TMEM178B: variants seen among roughly 807,000 people sequenced by gnomAD.
The protein encoded by TMEM178B is transmembrane protein 178B.
Under a neutral mutation model 31.0 loss-of-function variants are expected in TMEM178B, and 5 were observed. That is an observed-to-expected ratio of 0.16 (90% CI 0.08 to 0.34). The LOEUF is 0.34. Ranked by LOEUF, TMEM178B falls within the 10% of genes least tolerant of loss-of-function variation. The pLI is 1.00. For synonymous variants in TMEM178B, 164 were observed against 164.0 expected, an observed-to-expected ratio of 1.00 and a Z score of 0.00; for missense variants, 275 against 400.3, an observed-to-expected ratio of 0.69 and a Z score of 2.67.
intron 3 of TMEM178B, among the ~76,000 whole-genome samples, chr7:141,452,161 G>T (rs1801876881): frequency 6.6e-6 from 1 of 152,110 alleles, no homozygotes; most frequent in Non-Finnish European, 1.5e-5. Flanking sequence ...GATTATCTCT[G>T]CACAAATGAA....
intron 1 of TMEM178B, among the ~76,000 whole-genome samples, chr7:141,144,671 A>G (rs1025553984): frequency 3.9e-5 from 6 of 152,158 alleles, no homozygotes; most frequent in Non-Finnish European, 8.8e-5. Context: ...GGCAAGGGAC[A>G]CAGGAATAGT....
At chr7:141,218,623 T>TTA (rs1563121483) in intron 2 of TMEM178B, among the ~76,000 whole-genome samples, 1 of 151,910 alleles carries the variant, frequency 6.6e-6, no homozygotes, top group Non-Finnish European at 1.5e-5. Flanking sequence ...GACTCTTAAC[T>TTA]TATGTTTCTT....
intron 1 of TMEM178B, among the ~76,000 whole-genome samples, chr7:141,203,901 G>A (rs182455171): frequency 6.6e-6 from 1 of 152,334 alleles, no homozygotes; most frequent in East Asian, 1.9e-4. Context: ...TGGTCCAGTA[G>A]TGTGTCCTGG....
chr7:141,470,566 G>C lies in TMEM178B; in HGVS notation c.665G>C (p.Cys222Ser). The C allele has an allele frequency of 6.5e-7, 1 of 1,530,528 alleles. No individual in the cohort carries two copies. Among genetic ancestry groups the C allele is most frequent in the South Asian group, 1.2e-5 (1 of 82,986 alleles). 94.8% of individuals were successfully genotyped at this position (1,530,528 alleles called of 1,614,324 possible). ...GTFCIISLCT[C>S]VAGINFELSR... is the part of the protein sequence containing the mutation. ...TTCTGCATCATTTCACTGTGCACCT[G>C]TGTGGCCGGGATCAACTTTGAGCTG... Residue 222 changes from cysteine (C) to serine (S), a missense_variant, in exon 4 of 4, where the codon TGT becomes TCT. Coordinates refer to ENST00000565468, the MANE Select transcript of TMEM178B (RefSeq NM_001195278.2).
intron 2 of TMEM178B, among the ~76,000 whole-genome samples, chr7:141,274,552 T>C (rs1209737738): frequency 6.6e-6 from 1 of 152,306 alleles, no homozygotes; most frequent in Non-Finnish European, 1.5e-5. Flanking sequence ...CCCCCTTCTT[T>C]TTCTATTCCG....
At chr7:141,144,294 A>G (rs1795818627) in intron 1 of TMEM178B, among the ~76,000 whole-genome samples, 1 of 152,164 alleles carries the variant, frequency 6.6e-6, no homozygotes, top group Non-Finnish European at 1.5e-5. Context: ...TGTGAATTCT[A>G]GCTGAGTATT....
chr7:141,246,677 A>G (rs1207904216), intron 2 of TMEM178B, among the ~76,000 whole-genome samples: 1 of 152,048 alleles, frequency 6.6e-6, no homozygotes, highest in Non-Finnish European at 1.5e-5. Context: ...GTGTGCAGGT[A>G]AGCAAAGGCG....
At chr7:141,509,414 C>T in the TMEM178B span, among the ~76,000 whole-genome samples, 1 of 152,096 alleles carries the variant, frequency 6.6e-6, no homozygotes, top group Non-Finnish European at 1.5e-5. Context: ...CTTTGGGAGG[C>T]CGAGGCAGGA....
intron 2 of TMEM178B, among the ~76,000 whole-genome samples, chr7:141,279,951 G>A (rs897509953): frequency 1.3e-5 from 2 of 152,232 alleles, no homozygotes; most frequent in Non-Finnish European, 2.9e-5. Flanking sequence ...TCTTTCAGTT[G>A]CAAGTGACAG....
intron 2 of TMEM178B, among the ~76,000 whole-genome samples, chr7:141,214,207 A>G (rs1797095514): frequency 6.6e-6 from 1 of 152,246 alleles, no homozygotes. Context: ...TTCAAGATTG[A>G]TAAGTCCTGT....
chr7:141,437,516 C>G, intron 2 of TMEM178B, 92 bp from the exon 3 acceptor site: 1 of 1,479,918 alleles, frequency 6.8e-7, no homozygotes, highest in Non-Finnish European at 9.0e-7. Context: ...TGGAGGGCCA[C>G]TCCCTCTCTG....
chr7:141,154,694 G>C (rs1338353458), intron 1 of TMEM178B, among the ~76,000 whole-genome samples: 1 of 151,246 alleles, frequency 6.6e-6, no homozygotes, highest in African/African-American at 2.4e-5. Flanking sequence ...GAGCCCTGGA[G>C]CTCTTAGTCC....
At chr7:141,148,027 C>T (rs1795883331) in intron 1 of TMEM178B, among the ~76,000 whole-genome samples, 1 of 152,144 alleles carries the variant, frequency 6.6e-6, no homozygotes. Context: ...TACCAGATAT[C>T]CAAAGGCTGA....
At chr7:141,503,889 CATACGTA>C in the TMEM178B span, among the ~76,000 whole-genome samples, 1 of 152,136 alleles carries the variant, frequency 6.6e-6, no homozygotes, top group Non-Finnish European at 1.5e-5. Flanking sequence ...AGAACCTCTT[CATACGTA>C]TGTGTATCAA....
intron 1 of TMEM178B, among the ~76,000 whole-genome samples, chr7:141,115,439 G>T (rs993390669): frequency 2.6e-5 from 4 of 152,278 alleles, no homozygotes; most frequent in East Asian, 1.9e-4. Flanking sequence ...GGGCCTAGGG[G>T]TGTTATAGGG....
intron 1 of TMEM178B, among the ~76,000 whole-genome samples, chr7:141,200,898 C>T (rs563245400): frequency 8.5e-5 from 13 of 152,168 alleles, no homozygotes; most frequent in South Asian, 2.1e-4. Context: ...CCTCCAGCAC[C>T]GCCCTGTGGA....
chr7:141,336,365 A>G (rs539495205), intron 2 of TMEM178B, among the ~76,000 whole-genome samples: 1 of 152,276 alleles, frequency 6.6e-6, no homozygotes, highest in East Asian at 1.9e-4. Flanking sequence ...CTGTAGGACC[A>G]GGCGTGGGAA....
intron 2 of TMEM178B, among the ~76,000 whole-genome samples, chr7:141,228,752 T>C (rs1299505714): frequency 6.6e-6 from 1 of 152,148 alleles, no homozygotes; most frequent in East Asian, 1.9e-4. Flanking sequence ...CCCCGGCTTG[T>C]ATCATTTTCC....
chr7:141,360,458 T>C (rs543339724), intron 2 of TMEM178B, among the ~76,000 whole-genome samples: 1 of 152,240 alleles, frequency 6.6e-6, no homozygotes, highest in Non-Finnish European at 1.5e-5. Context: ...ATTCCAAATC[T>C]AAGGCCAGGC....
Sources: gnomAD v4.1 joint callset for allele counts (sites outside exome capture counted in the v4.1 genomes callset) on GRCh38, gnomAD v4.1.1 for gene constraint, MANE v1.5 for transcripts, NCBI Gene and HGNC (gene_info 2026-07-23, HGNC 2026-07-21) for gene names.